Variants in AGBL4 observed in about 807,000 individuals in gnomAD.
AGBL4 encodes AGBL carboxypeptidase 4.
In AGBL4, 58 loss-of-function variants were observed where a neutral mutation model predicts 66.4. The ratio of observed to expected loss-of-function variants is 0.87; its 90% confidence interval spans 0.71 to 1.09. The LOEUF (loss-of-function observed/expected upper bound fraction) is 1.09. Among genes scored for constraint, AGBL4 ranks in the 50% least tolerant of loss-of-function variants. AGBL4 has a pLI of 0.00. For missense variants in AGBL4, 579 were observed against 631.0 expected (o/e 0.92, Z 0.88); for synonymous variants, 234 against 222.9 (o/e 1.05, Z -0.44).
At chr1:48,989,685 T>C (rs917330520) in intron 5 of AGBL4, among the ~76,000 whole-genome samples, 4 of 152,156 alleles carry the variant, frequency 2.6e-5, no homozygotes, top group Non-Finnish European at 5.9e-5. Context: ...GTTCTATCCA[T>C]GTTGTTGCAA....
chr1:48,867,541 C>T (rs1255427980), intron 5 of AGBL4, among the ~76,000 whole-genome samples: 1 of 152,104 alleles, frequency 6.6e-6, no homozygotes, highest in Non-Finnish European at 1.5e-5. Flanking sequence ...CAGAGAAGGT[C>T]CCTTTCCAGT....
chr1:49,893,715 G>A (rs990091019), intron 1 of AGBL4, among the ~76,000 whole-genome samples: 2 of 152,180 alleles, frequency 1.3e-5, no homozygotes, highest in East Asian at 3.9e-4. Context: ...AGAGAGCACC[G>A]GTTAGATTTC....
At chr1:49,292,481 CCAAT>C (rs1644559739) in intron 3 of AGBL4, among the ~76,000 whole-genome samples, 1 of 152,186 alleles carries the variant, frequency 6.6e-6, no homozygotes, top group South Asian at 2.1e-4. Context: ...CACCCATGGG[CCAAT>C]CAGAGTGCAT....
At chr1:50,016,187 G>T (rs905100107) in intron 1 of AGBL4, among the ~76,000 whole-genome samples, 1 of 152,196 alleles carries the variant, frequency 6.6e-6, no homozygotes, top group Non-Finnish European at 1.5e-5. Flanking sequence ...AGAGTAATCA[G>T]ACAACCTACA....
intron 3 of AGBL4, among the ~76,000 whole-genome samples, chr1:49,251,905 A>G (rs1202498834): frequency 6.6e-6 from 1 of 152,230 alleles, no homozygotes; most frequent in Non-Finnish European, 1.5e-5. Flanking sequence ...AACAGGATAA[A>G]AAAAATCCAA....
chr1:48,722,263 G>A (rs745854338), intron 6 of AGBL4, among the ~76,000 whole-genome samples: 4 of 152,112 alleles, frequency 2.6e-5, no homozygotes, highest in African/African-American at 4.8e-5. Context: ...GAACAGGGAC[G>A]AATGCAAAGT....
intron 6 of AGBL4, among the ~76,000 whole-genome samples, chr1:48,673,777 A>G (rs1445335547): frequency 6.6e-6 from 1 of 152,272 alleles, no homozygotes; most frequent in African/African-American, 2.4e-5. Flanking sequence ...AGGGAGAAAT[A>G]AGAGTAATGA....
At position 49,302,707 on chromosome 1, in the gene AGBL4, AG is replaced by A. The variant is rs374048923; in HGVS notation, c.283-56844del. Among the ~76,000 whole-genome samples, 43 of 142,694 alleles carry A rather than the reference AG, an allele frequency of 3.0e-4. 1 individual carries two copies. The South Asian group carries it at 8.7e-3, about 29-fold the overall frequency. The allele number at this position is 142,694 out of a possible 152,430, so 93.6% of individuals were successfully genotyped here. ...TCCTAGAGATATGTGCAGGACATGCAGGTTGTTACATAGGGAAACTTGTGAC... is the reference window on the plus strand; with the variant it reads ...TCCTAGAGATATGTGCAGGACATGCAGTTGTTACATAGGGAAACTTGTGAC... On this transcript the variant is annotated intron_variant, in intron 3 of 13. Transcript: ENST00000371839.
chr1:49,323,457 T>C (rs951677703), intron 3 of AGBL4, among the ~76,000 whole-genome samples: 5 of 150,074 alleles, frequency 3.3e-5, no homozygotes, highest in African/African-American at 1.2e-4. Context: ...AATTTTTTTT[T>C]TTTTTTTTTT....
chr1:48,807,770 A>G (rs982955064), intron 6 of AGBL4, among the ~76,000 whole-genome samples: 1 of 152,186 alleles, frequency 6.6e-6, no homozygotes, highest in Non-Finnish European at 1.5e-5. Context: ...TTGCTTGGCA[A>G]GAGGCCCTGG....
At chr1:49,915,972 A>G (rs530291603) in intron 1 of AGBL4, among the ~76,000 whole-genome samples, 17 of 152,326 alleles carry the variant, frequency 1.1e-4, no homozygotes, top group African/African-American at 3.1e-4. Flanking sequence ...CCAGGCAAAC[A>G]GGGTCTGGAG....
chr1:49,471,316 C>A (rs572893315), intron 3 of AGBL4, among the ~76,000 whole-genome samples: 2 of 152,086 alleles, frequency 1.3e-5, no homozygotes, highest in East Asian at 3.9e-4. Flanking sequence ...AGTACCTTCA[C>A]AATCTCATTT....
At chr1:49,633,464 T>C (rs1481920942) in intron 3 of AGBL4, among the ~76,000 whole-genome samples, 1 of 152,044 alleles carries the variant, frequency 6.6e-6, no homozygotes. Flanking sequence ...AACAAAGATA[T>C]AATACAGTAA....
chr1:49,120,552 G>C (rs977568562), intron 4 of AGBL4, among the ~76,000 whole-genome samples: 9 of 152,160 alleles, frequency 5.9e-5, no homozygotes, highest in Admixed American at 4.6e-4. Flanking sequence ...CAGGGTTTCT[G>C]CCGAGAGATC....
chr1:48,639,617 T>C (rs905279814), intron 8 of AGBL4, among the ~76,000 whole-genome samples: 1 of 152,320 alleles, frequency 6.6e-6, no homozygotes, highest in East Asian at 1.9e-4. Context: ...GGAAAAGTGT[T>C]GATACAGTTT....
At chr1:49,815,901 T>G (rs974477701) in intron 2 of AGBL4, among the ~76,000 whole-genome samples, 8 of 152,072 alleles carry the variant, frequency 5.3e-5, no homozygotes, top group Non-Finnish European at 8.8e-5. Context: ...ATTACCATCT[T>G]TTTTTTCAGT....
intron 4 of AGBL4, among the ~76,000 whole-genome samples, chr1:49,061,922 C>T (rs572414618): frequency 8.5e-5 from 13 of 152,252 alleles, no homozygotes; most frequent in African/African-American, 3.1e-4. Context: ...GCAGGGGTCC[C>T]CAACCCCTGG....
chr1:49,155,449 T>C (rs910079415), intron 4 of AGBL4, among the ~76,000 whole-genome samples: 1 of 152,150 alleles, frequency 6.6e-6, no homozygotes, highest in African/African-American at 2.4e-5. Flanking sequence ...TCCTTTGAGA[T>C]AGGGGCTATT....
chr1:49,611,994 GA>G (rs1358164543), intron 3 of AGBL4, among the ~76,000 whole-genome samples: 1 of 152,066 alleles, frequency 6.6e-6, no homozygotes, highest in African/African-American at 2.4e-5. Flanking sequence ...AAAGATGCCA[GA>G]AAAAAATATG....
Sources: allele counts gnomAD v4.1 joint callset (sites outside exome capture counted in the v4.1 genomes callset), GRCh38; gene constraint gnomAD v4.1.1; transcripts MANE v1.5; gene names NCBI Gene and HGNC (gene_info 2026-07-23, HGNC 2026-07-21).